The following NPAS3 variants were observed in gnomAD, a reference collection of about 807,000 sequenced individuals.
NPAS3 encodes the protein neuronal PAS domain-containing protein 3.
Under a neutral mutation model 73.1 loss-of-function variants are expected in NPAS3, and 14 were observed. That is an observed-to-expected ratio of 0.19 (90% confidence interval 0.13 to 0.30). The LOEUF (loss-of-function observed/expected upper bound fraction) is 0.30, where lower values mean the gene tolerates loss of function less well. Ranked by LOEUF, NPAS3 falls within the 10% of genes least tolerant of loss-of-function variation. The probability of loss-of-function intolerance (pLI) is 1.00; values close to 1 mark genes in which losing one functional copy is unlikely to be tolerated. For missense variants in NPAS3, 1,096 were observed against 1,250.0 expected (o/e 0.88, Z 1.86); for synonymous variants, 620 against 541.5 (o/e 1.14, Z -2.01).
At chr14:33,674,096 T>A (rs2059686073) in intron 5 of NPAS3, among the ~76,000 whole-genome samples, 1 of 152,148 alleles carries the variant, frequency 6.6e-6, no homozygotes, top group Non-Finnish European at 1.5e-5. Flanking sequence ...GCCCTAGATG[T>A]GCCATACTCC....
intron 1 of NPAS3, among the ~76,000 whole-genome samples, chr14:32,966,776 C>CA (rs61620104): frequency 0.22 from 9,707 of 43,658 alleles, 1,263 homozygotes; most frequent in Non-Finnish European, 0.25. Context: ...GACTCCGTCT[C>CA]AAAAAAAAAA....
rs550557180 is a variant in NPAS3 at position 33,146,912 on chromosome 14, A to T, written c.141-68270A>T. Among the ~76,000 whole-genome samples, 4 of 152,312 alleles carry T rather than the reference A, an allele frequency of 2.6e-5. No individual in the cohort carries two copies. The South Asian group carries it at 8.3e-4, about 32-fold the overall frequency. On this transcript the variant is annotated intron_variant, in intron 2 of 11. Coordinates refer to ENST00000356141, the Ensembl canonical transcript of NPAS3. ...CTTCCCTGTTTCCTTTGTAAATTGG[A>T]TTAAATTTTTGCTGTACCAAGGGAC... is the stretch of plus-strand genomic sequence containing the variant.
chr14:33,129,438 C>T (rs928213537), intron 2 of NPAS3, among the ~76,000 whole-genome samples: 2 of 152,162 alleles, frequency 1.3e-5, no homozygotes, highest in African/African-American at 4.8e-5. Flanking sequence ...GCTCCATTTT[C>T]ATCACTGGTT....
At chr14:33,783,905 G>A (rs1191500784) in intron 9 of NPAS3, among the ~76,000 whole-genome samples, 2 of 152,256 alleles carry the variant, frequency 1.3e-5, no homozygotes, top group East Asian at 1.9e-4. Context: ...TTTACACGAC[G>A]TAAACAGTAA....
At chr14:33,753,758 T>A (rs1206777123) in intron 7 of NPAS3, among the ~76,000 whole-genome samples, 2 of 152,194 alleles carry the variant, frequency 1.3e-5, no homozygotes, top group Non-Finnish European at 2.9e-5. Flanking sequence ...AAGTGATCTA[T>A]TTTTTCCTAA....
At chr14:33,484,103 G>A (rs1594999449) in intron 4 of NPAS3, among the ~76,000 whole-genome samples, 2 of 152,282 alleles carry the variant, frequency 1.3e-5, no homozygotes, top group South Asian at 4.1e-4. Context: ...GATAAGGGAT[G>A]TTAGAAATTC....
intron 1 of NPAS3, among the ~76,000 whole-genome samples, chr14:32,966,972 G>C (rs1022438093): frequency 6.6e-6 from 1 of 152,120 alleles, no homozygotes. Context: ...GGAAACAATC[G>C]ACAGAGTGAA....
chr14:33,313,522 G>A (rs1358218982), intron 3 of NPAS3, among the ~76,000 whole-genome samples: 1 of 152,070 alleles, frequency 6.6e-6, no homozygotes, highest in Admixed American at 6.6e-5. Context: ...AGTTACTGAA[G>A]TGCAAAAGTC....
chr14:33,375,093 C>T (rs17100869), intron 4 of NPAS3, among the ~76,000 whole-genome samples: 3,052 of 152,122 alleles, frequency 0.02, 97 homozygotes, highest in African/African-American at 0.07. Context: ...AAAGTGGTAT[C>T]CTGCTGGACA....
chr14:33,343,558 G>A (rs751581477), intron 3 of NPAS3, among the ~76,000 whole-genome samples: 3 of 152,076 alleles, frequency 2.0e-5, no homozygotes, highest in Admixed American at 6.5e-5. Flanking sequence ...CGGCATTCAT[G>A]ACAAGGGATA....
At chr14:33,223,707 A>C (rs2139725680) in intron 3 of NPAS3, among the ~76,000 whole-genome samples, 1 of 152,282 alleles carries the variant, frequency 6.6e-6, no homozygotes, top group Admixed American at 6.5e-5. Flanking sequence ...GCCGTTTATT[A>C]ATAATTTCAA....
chr14:33,269,069 G>C (rs1186011844), intron 3 of NPAS3, among the ~76,000 whole-genome samples: 2 of 152,158 alleles, frequency 1.3e-5, no homozygotes, highest in Non-Finnish European at 2.9e-5. Flanking sequence ...GCAAGGCTTA[G>C]AAATGCTTAG....
At chr14:33,627,145 A>G (rs2058244941) in intron 5 of NPAS3, among the ~76,000 whole-genome samples, 1 of 152,218 alleles carries the variant, frequency 6.6e-6, no homozygotes, top group Non-Finnish European at 1.5e-5. Context: ...AGCAGTTTTA[A>G]TAAGCATTTT....
intron 1 of NPAS3, among the ~76,000 whole-genome samples, chr14:33,011,094 A>G (rs550740149): frequency 2.0e-5 from 3 of 152,230 alleles, no homozygotes; most frequent in Admixed American, 6.5e-5. Context: ...AGATGTTTGC[A>G]AAAGTGAAAC....
chr14:32,936,999 T>C (rs1413624820), upstream of NPAS3, among the ~76,000 whole-genome samples: 5 of 152,058 alleles, frequency 3.3e-5, no homozygotes, highest in Non-Finnish European at 5.9e-5. Context: ...CCTTCGATTT[T>C]TATGTTATAT....
intron 6 of NPAS3, among the ~76,000 whole-genome samples, chr14:33,681,771 G>A (rs74622183): frequency 0.081 from 12,281 of 152,124 alleles, 572 homozygotes; most frequent in South Asian, 0.21. Context: ...CATAAATAGG[G>A]CTCAAAATTC....
At chr14:33,521,675 T>C (rs1004211314) in intron 4 of NPAS3, among the ~76,000 whole-genome samples, 12 of 152,178 alleles carry the variant, frequency 7.9e-5, no homozygotes, top group African/African-American at 2.9e-4. Flanking sequence ...TGACCATTTT[T>C]TTCATGTTGT....
At chr14:33,583,062 A>G (rs1391584611) in intron 5 of NPAS3, among the ~76,000 whole-genome samples, 1 of 148,566 alleles carries the variant, frequency 6.7e-6, no homozygotes, top group Non-Finnish European at 1.5e-5. Context: ...AGAAAGCCCT[A>G]GTCTTCTGAC....
At chr14:33,403,770 C>A (rs186900518) in intron 4 of NPAS3, among the ~76,000 whole-genome samples, 2 of 152,052 alleles carry the variant, frequency 1.3e-5, no homozygotes, top group Non-Finnish European at 2.9e-5. Context: ...TTGTGGCCCA[C>A]GGTAATGGTG....
Sources: gnomAD v4.1 joint callset for allele counts (sites outside exome capture counted in the v4.1 genomes callset) on GRCh38, gnomAD v4.1.1 for gene constraint, MANE v1.5 for transcripts, NCBI Gene and HGNC (gene_info 2026-07-23, HGNC 2026-07-21) for gene names.